The following DOCK2 variants were observed in gnomAD, a reference collection of about 807,000 sequenced individuals.
The protein encoded by DOCK2 is dedicator of cytokinesis protein 2.
In DOCK2, 87 loss-of-function variants were observed where a neutral mutation model predicts 248.9. The ratio of observed to expected loss-of-function variants is 0.35; its 90% CI spans 0.29 to 0.42. The LOEUF is 0.42. Among genes scored for constraint, DOCK2 ranks in the 10% least tolerant of loss-of-function variants. The pLI is 1.00. For missense variants in DOCK2, 1,747 were observed against 2,300.2 expected (o/e 0.76, Z 4.92); for synonymous variants, 805 against 821.6 (o/e 0.98, Z 0.35).
chr5:169,985,255 C>T (rs1043670667), intron 28 of DOCK2, among the ~76,000 whole-genome samples: 8 of 152,018 alleles, frequency 5.3e-5, no homozygotes, highest in African/African-American at 1.9e-4. Context: ...AAGTATGGCT[C>T]ACTGCAAAAT....
At chr5:169,703,387 C>T (rs1761086683) in intron 14 of DOCK2, among the ~76,000 whole-genome samples, 1 of 152,132 alleles carries the variant, frequency 6.6e-6, no homozygotes, top group South Asian at 2.1e-4. Flanking sequence ...CTTTATTATG[C>T]CCCATTTTAC....
chr5:169,749,309 T>C (rs2112706), intron 23 of DOCK2, among the ~76,000 whole-genome samples: 4,117 of 152,232 alleles, frequency 0.027, 84 homozygotes, highest in South Asian at 0.092. Flanking sequence ...CAGCATAATC[T>C]GGCCCAAATC....
intron 25 of DOCK2, among the ~76,000 whole-genome samples, chr5:169,795,739 A>G (rs1766608307): frequency 1.3e-5 from 2 of 152,216 alleles, no homozygotes; most frequent in Non-Finnish European, 2.9e-5. Flanking sequence ...GGCTTTCAAC[A>G]TCTGCAAATG....
At chr5:169,960,714 T>A (rs549151067) in intron 27 of DOCK2, among the ~76,000 whole-genome samples, 1 of 152,190 alleles carries the variant, frequency 6.6e-6, no homozygotes, top group Admixed American at 6.5e-5. Context: ...GGTTTTACTT[T>A]CCATGGTTTG....
chr5:169,803,328 C>T, intron 26 of DOCK2, 122 bp downstream of exon 26: 1 of 1,310,108 alleles, frequency 7.6e-7, no homozygotes, highest in South Asian at 1.5e-5. Flanking sequence ...ACGGCTTGCT[C>T]AGCAGGCCTA....
intron 25 of DOCK2, among the ~76,000 whole-genome samples, chr5:169,788,639 A>C (rs566978370): frequency 5.8e-4 from 89 of 152,292 alleles, no homozygotes; most frequent in Non-Finnish European, 1.1e-3. Context: ...GGGCAGTTGG[A>C]GCTCATGTTG....
intron 2 of DOCK2, among the ~76,000 whole-genome samples, chr5:169,656,114 A>G (rs1758096426): frequency 6.6e-6 from 1 of 152,166 alleles, no homozygotes; most frequent in Non-Finnish European, 1.5e-5. Flanking sequence ...TATCTTTTAC[A>G]AATCTAGTTC....
chr5:169,799,816 T>C (rs920236264), intron 25 of DOCK2, among the ~76,000 whole-genome samples: 4 of 152,098 alleles, frequency 2.6e-5, no homozygotes, highest in Admixed American at 2.6e-4. Flanking sequence ...AGTTGGTTTT[T>C]TTTTCTTTTG....
intron 6 of DOCK2, among the ~76,000 whole-genome samples, chr5:169,678,826 T>C (rs1159975773): frequency 7.8e-6 from 1 of 128,086 alleles, no homozygotes; most frequent in Non-Finnish European, 1.6e-5. Flanking sequence ...GCAGGAAGCA[T>C]GGGCAAGAAG....
At chr5:169,816,724 T>C (rs1768088635) in intron 26 of DOCK2, among the ~76,000 whole-genome samples, 1 of 152,148 alleles carries the variant, frequency 6.6e-6, no homozygotes, top group South Asian at 2.1e-4. Flanking sequence ...AGTAGGTGTA[T>C]GTATTTATGG....
At chr5:169,894,171 A>G (rs534350109) in intron 27 of DOCK2, among the ~76,000 whole-genome samples, 23 of 152,320 alleles carry the variant, frequency 1.5e-4, no homozygotes, top group African/African-American at 4.6e-4. Context: ...AGTTTTGCCA[A>G]GACTAGGCAT....
At chr5:170,078,214 A>G (rs1322227675) in intron 48 of DOCK2, among the ~76,000 whole-genome samples, 1 of 152,008 alleles carries the variant, frequency 6.6e-6, no homozygotes, top group Non-Finnish European at 1.5e-5. Context: ...CCCAACCACG[A>G]TGGGATGTCT....
chr5:169,938,111 T>C lies in DOCK2; in HGVS notation c.2800-44957T>C, dbSNP rs1776073900. 2.6e-5 allele frequency among the ~76,000 whole-genome samples: 4 copies of C among 152,210 alleles called. No homozygotes were observed. The South Asian group carries it at 8.3e-4, about 32-fold the overall frequency. ...GCCTAACATGCACCAGCCATGGAGG[T>C]TATACTTGCAAGACAAAATGCTCCC... On this transcript the variant is annotated intron_variant, in intron 27 of 51. Coordinates refer to ENST00000520908, the MANE Select transcript of DOCK2 (RefSeq NM_004946.3).
intron 27 of DOCK2, among the ~76,000 whole-genome samples, chr5:169,968,758 G>A (rs1777391363): frequency 6.6e-6 from 1 of 152,200 alleles, no homozygotes; most frequent in African/African-American, 2.4e-5. Context: ...TGTTAATGGT[G>A]ATGAGCAAAA....
chr5:169,714,922 T>C (rs989196857), intron 19 of DOCK2, among the ~76,000 whole-genome samples: 2 of 152,170 alleles, frequency 1.3e-5, no homozygotes, highest in African/African-American at 4.8e-5. Flanking sequence ...TATATATGTA[T>C]ATGCATATAT....
intron 46 of DOCK2, chr5:170,075,699 G>C: frequency 2.3e-6 from 1 of 440,596 alleles, no homozygotes; most frequent in East Asian, 4.2e-5. Context: ...ATGGGGAAGA[G>C]GGGAGTCCAG....
intron 13 of DOCK2, among the ~76,000 whole-genome samples, chr5:169,700,710 T>G (rs1760915890): frequency 6.6e-6 from 1 of 152,110 alleles, no homozygotes; most frequent in African/African-American, 2.4e-5. Flanking sequence ...AAACAAAAAT[T>G]ATAGGAGGGC....
intron 9 of DOCK2, among the ~76,000 whole-genome samples, chr5:169,693,158 G>C (rs908495409): frequency 1.3e-5 from 2 of 152,138 alleles, no homozygotes; most frequent in Non-Finnish European, 2.9e-5. Flanking sequence ...ATTAGGGATG[G>C]AGGTCATTAT....
At chr5:170,019,767 A>C (rs1033721342) in intron 33 of DOCK2, among the ~76,000 whole-genome samples, 1 of 152,170 alleles carries the variant, frequency 6.6e-6, no homozygotes, top group Admixed American at 6.5e-5. Context: ...ACCAGTTGCC[A>C]CAATTGGCTC....
Sources: allele counts gnomAD v4.1 joint callset (sites outside exome capture counted in the v4.1 genomes callset), GRCh38; gene constraint gnomAD v4.1.1; transcripts MANE v1.5; gene names NCBI Gene and HGNC (gene_info 2026-07-23, HGNC 2026-07-21).